DACH1: variants seen among roughly 807,000 people sequenced by gnomAD.
The protein encoded by DACH1 is dachshund homolog 1.
Under a neutral mutation model 54.2 loss-of-function variants are expected in DACH1, and 12 were observed. The observed-to-expected ratio is 0.22, with a 90% CI of 0.14 to 0.36. DACH1 has a LOEUF of 0.36. Ranked by LOEUF, DACH1 falls within the 10% of genes least tolerant of loss-of-function variation. DACH1 has a pLI of 1.00. For missense variants in DACH1, 805 were observed against 929.8 expected (o/e 0.87, Z 1.75); for synonymous variants, 386 against 366.2 (o/e 1.05, Z -0.62).
intron 1 of DACH1, among the ~76,000 whole-genome samples, chr13:71,699,220 AT>A (rs1398976628): frequency 1.3e-5 from 2 of 152,176 alleles, no homozygotes; most frequent in East Asian, 3.9e-4. Flanking sequence ...GCAAGGAAGT[AT>A]TTTTACCAGA....
At chr13:71,487,275 T>C (rs1415276705) in intron 7 of DACH1, among the ~76,000 whole-genome samples, 2 of 152,152 alleles carry the variant, frequency 1.3e-5, no homozygotes, top group African/African-American at 4.8e-5. Context: ...TTTTATCTAC[T>C]CTTTTGAAAA....
chr13:71,548,423 TAAGA>T (rs1416820015), intron 6 of DACH1, among the ~76,000 whole-genome samples: 1 of 152,114 alleles, frequency 6.6e-6, no homozygotes, highest in African/African-American at 2.4e-5. Context: ...TATTAAAAAA[TAAGA>T]AAGCTGTTAG....
intron 1 of DACH1, among the ~76,000 whole-genome samples, chr13:71,850,327 A>G (rs1873576350): frequency 6.6e-6 from 1 of 152,202 alleles, no homozygotes; most frequent in South Asian, 2.1e-4. Context: ...GTATTACTCA[A>G]CACCTTCGGG....
intron 1 of DACH1, among the ~76,000 whole-genome samples, chr13:71,700,093 G>A (rs1409511075): frequency 6.6e-6 from 1 of 151,980 alleles, no homozygotes; most frequent in African/African-American, 2.4e-5. Context: ...GTGCGTGCAT[G>A]CATGTGCACA....
At chr13:71,538,827 T>G (rs1404490143) in intron 6 of DACH1, among the ~76,000 whole-genome samples, 1 of 152,068 alleles carries the variant, frequency 6.6e-6, no homozygotes, top group African/African-American at 2.4e-5. Context: ...AGATTCAGGG[T>G]CAGGTTAAAA....
intron 1 of DACH1, among the ~76,000 whole-genome samples, chr13:71,831,651 G>A (rs1234146243): frequency 6.6e-6 from 1 of 151,866 alleles, no homozygotes; most frequent in African/African-American, 2.4e-5. Flanking sequence ...CTACCACCAT[G>A]CTACATACTG....
chr13:71,742,200 T>A (rs1055880217), intron 1 of DACH1, among the ~76,000 whole-genome samples: 33 of 152,316 alleles, frequency 2.2e-4, no homozygotes, highest in Non-Finnish European at 3.7e-4. Flanking sequence ...TACCCAGGTA[T>A]GTGGAACTGT....
chr13:71,750,736 C>T (rs1010704585), intron 1 of DACH1, among the ~76,000 whole-genome samples: 3 of 152,056 alleles, frequency 2.0e-5, no homozygotes, highest in Non-Finnish European at 4.4e-5. Flanking sequence ...TAAATGTTAT[C>T]TAATATTTCT....
At chr13:71,850,907 G>C (rs1480409391) in intron 1 of DACH1, among the ~76,000 whole-genome samples, 1 of 152,152 alleles carries the variant, frequency 6.6e-6, no homozygotes, top group Non-Finnish European at 1.5e-5. Context: ...AGGAGGTACA[G>C]TACAACCTAT....
chr13:71,725,007 A>G (rs1364216333), intron 1 of DACH1, among the ~76,000 whole-genome samples: 1 of 152,150 alleles, frequency 6.6e-6, no homozygotes, highest in African/African-American at 2.4e-5. Context: ...TCAAAATGTG[A>G]TATTACAATT....
At chr13:71,477,111 T>A (rs1203280910) in intron 8 of DACH1, among the ~76,000 whole-genome samples, 2,455 of 99,016 alleles carry the variant, frequency 0.025, 81 homozygotes, top group African/African-American at 0.077. Flanking sequence ...TATATTTTTT[T>A]TTTTTTTTTT....
chr13:71,446,440 G>A (rs946581044), intron 10 of DACH1, among the ~76,000 whole-genome samples: 1 of 152,178 alleles, frequency 6.6e-6, no homozygotes, highest in Non-Finnish European at 1.5e-5. Flanking sequence ...CACCTGTGAT[G>A]TTAAAGGTGC....
chr13:71,775,410 T>C (rs1285235838), intron 1 of DACH1, among the ~76,000 whole-genome samples: 3 of 152,060 alleles, frequency 2.0e-5, no homozygotes, highest in African/African-American at 7.2e-5. Context: ...GGCTGTGATA[T>C]AAATTTTTAA....
chr13:71,602,995 T>C (rs1172602102), intron 3 of DACH1, among the ~76,000 whole-genome samples: 1 of 151,972 alleles, frequency 6.6e-6, no homozygotes, highest in Non-Finnish European at 1.5e-5. Flanking sequence ...CTTTATTCAA[T>C]TACGTTGCTT....
intron 5 of DACH1, among the ~76,000 whole-genome samples, chr13:71,558,040 C>A (rs1205671862): frequency 1.3e-5 from 2 of 150,842 alleles, no homozygotes; most frequent in African/African-American, 4.9e-5. Flanking sequence ...AACTGTAGTT[C>A]AAATTTTAGT....
chr13:71,864,180 T>C lies in DACH1; in HGVS notation c.848+1742A>G, dbSNP rs867531411. ...ATACTTTTGAGCGCGCGCGCGCACA[T>C]ACACACACACACACACACACACACA... is the stretch of plus-strand genomic sequence containing the variant. On this transcript the variant is annotated intron_variant, in intron 1 of 10. Transcript: ENST00000613252. Among the ~76,000 whole-genome samples, 928 of 108,400 alleles carry C rather than the reference T, an allele frequency of 8.6e-3. 16 individuals carry two copies. Among genetic ancestry groups the C allele is most frequent in the Admixed American group, 0.033 (345 of 10,552 alleles). The allele number at this position is 108,400 out of a possible 152,430, so 71.1% of individuals were successfully genotyped here.
intron 1 of DACH1, among the ~76,000 whole-genome samples, chr13:71,721,188 C>T (rs1883213875): frequency 6.6e-6 from 1 of 152,130 alleles, no homozygotes; most frequent in Admixed American, 6.6e-5. Flanking sequence ...CCTCATAATA[C>T]ATTTGCCTAA....
intron 3 of DACH1, among the ~76,000 whole-genome samples, chr13:71,587,415 G>A (rs1478613662): frequency 2.0e-5 from 3 of 151,980 alleles, no homozygotes; most frequent in Admixed American, 2.0e-4. Context: ...TGCTTTGTGT[G>A]ACCAAACAAC....
At chr13:71,709,045 G>T (rs1882588521) in intron 1 of DACH1, among the ~76,000 whole-genome samples, 1 of 151,502 alleles carries the variant, frequency 6.6e-6, no homozygotes, top group African/African-American at 2.4e-5. Context: ...AGTAGAGACG[G>T]GGTTTCACCA....
Sources: allele counts gnomAD v4.1 joint callset (sites outside exome capture counted in the v4.1 genomes callset), GRCh38; gene constraint gnomAD v4.1.1; transcripts MANE v1.5; gene names NCBI Gene and HGNC (gene_info 2026-07-23, HGNC 2026-07-21).